LHFPL3: variants seen among roughly 807,000 people sequenced by gnomAD.
LHFPL3 encodes the protein LHFPL tetraspan subfamily member 3, also known as LHFPL tetraspan subfamily member 3 protein.
Under a neutral mutation model 19.3 loss-of-function variants are expected in LHFPL3, and 5 were observed. The observed-to-expected ratio is 0.26, with a 90% CI of 0.14 to 0.54. The LOEUF is 0.54. LHFPL3 is among the 20% of genes least tolerant of loss of function. The pLI is 0.94. For missense variants in LHFPL3, 249 were observed against 307.4 expected (o/e 0.81, Z 1.42); for synonymous variants, 133 against 126.2 (o/e 1.05, Z -0.36).
intron 1 of LHFPL3, among the ~76,000 whole-genome samples, chr7:104,378,063 G>A (rs1021364017): frequency 1.3e-5 from 2 of 152,070 alleles, no homozygotes; most frequent in African/African-American, 4.8e-5. Context: ...ACAAGAAAAG[G>A]CATCCAGTTC....
chr7:104,342,551 G>A (rs563317670), intron 1 of LHFPL3, among the ~76,000 whole-genome samples: 247 of 152,148 alleles, frequency 1.6e-3, no homozygotes, highest in Non-Finnish European at 2.9e-3. Flanking sequence ...CCCACAAATA[G>A]CATTATCCAC....
intron 2 of LHFPL3, chr7:104,785,364 G>A (rs4283980): frequency 0.44 from 66,227 of 151,884 alleles, 14,995 homozygotes; most frequent in East Asian, 0.74. Context: ...CCGGTCTCCA[G>A]AATAGAGCCT....
chr7:104,416,074 T>C (rs1203253730), intron 1 of LHFPL3, among the ~76,000 whole-genome samples: 1 of 152,122 alleles, frequency 6.6e-6, no homozygotes, highest in Non-Finnish European at 1.5e-5. Context: ...ACTAGTTAGG[T>C]TAAGATAAGT....
At chr7:104,823,480 G>A (rs1191661780) in intron 2 of LHFPL3, among the ~76,000 whole-genome samples, 1 of 152,136 alleles carries the variant, frequency 6.6e-6, no homozygotes, top group Non-Finnish European at 1.5e-5. Context: ...TGTTTATTAA[G>A]CAGTTTGGGG....
chr7:104,654,883 G>A (rs10250078), intron 1 of LHFPL3, among the ~76,000 whole-genome samples: 150,945 of 152,290 alleles, frequency 0.99, 74,812 homozygotes, highest in East Asian at 1. Context: ...AAACCAAGCC[G>A]ACTTTCTTAT....
chr7:104,586,092 G>A (rs1161716128), intron 1 of LHFPL3, among the ~76,000 whole-genome samples: 1 of 151,956 alleles, frequency 6.6e-6, no homozygotes, highest in African/African-American at 2.4e-5. Flanking sequence ...ATCTGAATTA[G>A]GATATCAGAA....
At chr7:104,740,152 C>T (rs1793906147) in intron 2 of LHFPL3, among the ~76,000 whole-genome samples, 1 of 152,180 alleles carries the variant, frequency 6.6e-6, no homozygotes, top group African/African-American at 2.4e-5. Flanking sequence ...TTTGCTTCCC[C>T]TTCCACCATG....
At position 104,538,813 on chromosome 7, in the gene LHFPL3, G is replaced by T. The variant is rs187426524; in HGVS notation, c.446-197862G>T. Among the ~76,000 whole-genome samples, 27 of 151,240 alleles carry T rather than the reference G, an allele frequency of 1.8e-4. No individual in the cohort carries two copies. The East Asian group carries it at 5.0e-3, about 28-fold the overall frequency. ...TAGCTTACGTGGCAAAAGCAACTTTGCACGTGAGATTAAAGCGAGGACCTT... is the reference window on the plus strand; with the variant it reads ...TAGCTTACGTGGCAAAAGCAACTTTTCACGTGAGATTAAAGCGAGGACCTT... On this transcript the variant is annotated intron_variant, in intron 1 of 2. Transcript: ENST00000424859.
chr7:104,900,293 T>C (rs934245768), intron 2 of LHFPL3, among the ~76,000 whole-genome samples: 1 of 152,174 alleles, frequency 6.6e-6, no homozygotes, highest in Non-Finnish European at 1.5e-5. Context: ...TTCACAGTGT[T>C]CCTTAAGGGG....
At chr7:104,495,629 C>T (rs557473547) in intron 1 of LHFPL3, among the ~76,000 whole-genome samples, 5 of 152,224 alleles carry the variant, frequency 3.3e-5, no homozygotes, top group South Asian at 2.1e-4. Flanking sequence ...ATGATCTGCC[C>T]GCCTTGGCCT....
chr7:104,856,879 G>A (rs1791515830), intron 2 of LHFPL3, among the ~76,000 whole-genome samples: 1 of 152,228 alleles, frequency 6.6e-6, no homozygotes, highest in East Asian at 1.9e-4. Flanking sequence ...GCTTCTTTAT[G>A]AGCATTGATA....
intron 1 of LHFPL3, among the ~76,000 whole-genome samples, chr7:104,509,088 G>A (rs1295856668): frequency 6.6e-6 from 1 of 151,846 alleles, no homozygotes; most frequent in Non-Finnish European, 1.5e-5. Context: ...AACTATATAG[G>A]AACCTAAATT....
chr7:104,489,681 A>T (rs1481081368), intron 1 of LHFPL3, among the ~76,000 whole-genome samples: 1 of 151,836 alleles, frequency 6.6e-6, no homozygotes, highest in Non-Finnish European at 1.5e-5. Flanking sequence ...ACCAAAGGTT[A>T]CTCCACTCTA....
At chr7:104,661,956 G>C (rs376365575) in intron 1 of LHFPL3, among the ~76,000 whole-genome samples, 1 of 152,052 alleles carries the variant, frequency 6.6e-6, no homozygotes, top group Admixed American at 6.5e-5. Flanking sequence ...CATGACAGTC[G>C]ATCTAATAAC....
At chr7:104,501,821 G>A (rs1361486939) in intron 1 of LHFPL3, among the ~76,000 whole-genome samples, 3 of 152,176 alleles carry the variant, frequency 2.0e-5, no homozygotes, top group Non-Finnish European at 4.4e-5. Flanking sequence ...AATATATTCT[G>A]CAGCTATGTT....
At chr7:104,394,721 A>C (rs1439954561) in intron 1 of LHFPL3, among the ~76,000 whole-genome samples, 3 of 145,940 alleles carry the variant, frequency 2.1e-5, no homozygotes, top group East Asian at 4.0e-4. Flanking sequence ...TTTTTTTTGG[A>C]ATGGAGTCTT....
intron 1 of LHFPL3, among the ~76,000 whole-genome samples, chr7:104,734,973 TG>T (rs1793778165): frequency 6.6e-6 from 1 of 152,234 alleles, no homozygotes; most frequent in Non-Finnish European, 1.5e-5. Flanking sequence ...TGGAGTTTGC[TG>T]GAAGTCCACT....
At chr7:104,365,577 C>T in intron 1 of LHFPL3, among the ~76,000 whole-genome samples, 1 of 148,988 alleles carries the variant, frequency 6.7e-6, no homozygotes. Flanking sequence ...GTCAGGAGAT[C>T]GAGACCATCC....
intron 1 of LHFPL3, among the ~76,000 whole-genome samples, chr7:104,390,184 T>C (rs1791037340): frequency 6.6e-6 from 1 of 151,860 alleles, no homozygotes; most frequent in African/African-American, 2.4e-5. Flanking sequence ...CCAATTTATT[T>C]TTTATTTTTT....
Sources: gnomAD v4.1 joint callset for allele counts (sites outside exome capture counted in the v4.1 genomes callset) on GRCh38, gnomAD v4.1.1 for gene constraint, MANE v1.5 for transcripts, NCBI Gene and HGNC (gene_info 2026-07-23, HGNC 2026-07-21) for gene names.